Variants in MARCHF1 observed in about 807,000 individuals in gnomAD.
The protein encoded by MARCHF1 is E3 ubiquitin-protein ligase MARCHF1.
Under a neutral mutation model 54.2 loss-of-function variants are expected in MARCHF1, and 40 were observed. The ratio of observed to expected loss-of-function variants is 0.74; its 90% confidence interval spans 0.57 to 0.96. The LOEUF (loss-of-function observed/expected upper bound fraction) is 0.96, where lower values mean the gene tolerates loss of function less well. Among genes scored for constraint, MARCHF1 ranks in the 40% least tolerant of loss-of-function variants. The pLI is 0.00. For synonymous variants in MARCHF1, 236 were observed against 236.3 expected (o/e 1.00, Z 0.01); for missense variants, 586 against 656.5 (o/e 0.89, Z 1.17).
intron 3 of MARCHF1, among the ~76,000 whole-genome samples, chr4:163,868,928 A>G (rs1750111207): frequency 6.6e-6 from 1 of 152,018 alleles, no homozygotes; most frequent in Admixed American, 6.6e-5. Context: ...GCAGGAAGCT[A>G]TAACATGACA....
chr4:163,874,515 A>G (rs1271369429), intron 3 of MARCHF1, among the ~76,000 whole-genome samples: 1 of 152,178 alleles, frequency 6.6e-6, no homozygotes, highest in Non-Finnish European at 1.5e-5. Flanking sequence ...TTTTTTTTAA[A>G]GTCTACTTAG....
intron 5 of MARCHF1, among the ~76,000 whole-genome samples, chr4:163,639,494 A>G (rs1192705890): frequency 1.3e-5 from 2 of 152,194 alleles, no homozygotes; most frequent in East Asian, 3.8e-4. Flanking sequence ...TCTTTATTAT[A>G]TTTTGATGGC....
At chr4:164,048,977 G>A (rs7356256) in intron 2 of MARCHF1, among the ~76,000 whole-genome samples, 36,436 of 152,000 alleles carry the variant, frequency 0.24, 6,134 homozygotes, top group East Asian at 0.48. Context: ...CTGATTATTA[G>A]AGGCCAATTT....
chr4:163,585,018 T>C (rs1225357110), intron 8 of MARCHF1: 3 of 152,214 alleles, frequency 2.0e-5, no homozygotes, highest in African/African-American at 7.2e-5. Flanking sequence ...TCATTGTCCT[T>C]GTTTGTATTG....
chr4:163,609,712 TA>T (rs1456959559), intron 7 of MARCHF1, among the ~76,000 whole-genome samples: 1 of 151,710 alleles, frequency 6.6e-6, no homozygotes, highest in Non-Finnish European at 1.5e-5. Context: ...GAACCTTTTT[TA>T]TTCTTAAAGG....
At chr4:164,378,114 G>T (rs1231280823) in intron 1 of MARCHF1, among the ~76,000 whole-genome samples, 1 of 152,194 alleles carries the variant, frequency 6.6e-6, no homozygotes, top group Non-Finnish European at 1.5e-5. Context: ...GATTACAGAT[G>T]GAAGAAGTAC....
intron 3 of MARCHF1, among the ~76,000 whole-genome samples, chr4:163,926,430 A>G (rs1311287505): frequency 6.6e-6 from 1 of 151,594 alleles, no homozygotes; most frequent in Non-Finnish European, 1.5e-5. Flanking sequence ...AACATGACTA[A>G]TATTGCTGCT....
At chr4:163,861,593 CA>C (rs1483595566) in intron 3 of MARCHF1, among the ~76,000 whole-genome samples, 2 of 152,014 alleles carry the variant, frequency 1.3e-5, no homozygotes, top group Non-Finnish European at 2.9e-5. Flanking sequence ...TAAATAATAG[CA>C]GAGACATTCT....
At chr4:164,236,049 T>A (rs933420958) in intron 1 of MARCHF1, among the ~76,000 whole-genome samples, 1 of 152,228 alleles carries the variant, frequency 6.6e-6, no homozygotes, top group East Asian at 1.9e-4. Context: ...ATACTCTCAA[T>A]AGAATCTTCC....
At position 163,709,830 on chromosome 4, in the gene MARCHF1, G is replaced by C. The variant is rs751518615; in HGVS notation, c.112-8967C>G. Reference sequence around the variant, plus strand: ...TTGCAAAATGCGTATAAAGACCCTTGCATGTTTACCTCATAGAATTTCTGT... The same window carrying C: ...TTGCAAAATGCGTATAAAGACCCTTCCATGTTTACCTCATAGAATTTCTGT... On this transcript the variant is annotated intron_variant, in intron 4 of 9. Coordinates refer to ENST00000514618, the MANE Select transcript of MARCHF1 (RefSeq NM_001394959.1). Among the ~76,000 whole-genome samples the C allele has an allele frequency of 2.6e-5, 4 of 152,220 alleles. No homozygotes were observed. The East Asian group carries it at 7.7e-4, about 29-fold the overall frequency.
At chr4:164,228,870 C>G (rs549489826) in intron 1 of MARCHF1, among the ~76,000 whole-genome samples, 7 of 152,044 alleles carry the variant, frequency 4.6e-5, no homozygotes, top group Non-Finnish European at 7.4e-5. Flanking sequence ...AAGTAATGCC[C>G]AGATAATGAT....
At chr4:163,732,369 G>A (rs952251368) in intron 4 of MARCHF1, among the ~76,000 whole-genome samples, 1 of 151,634 alleles carries the variant, frequency 6.6e-6, no homozygotes, top group Non-Finnish European at 1.5e-5. Flanking sequence ...GAAAAAAGAT[G>A]GAAAAAAGAA....
intron 1 of MARCHF1, among the ~76,000 whole-genome samples, chr4:164,239,918 T>C (rs1307230511): frequency 1.3e-5 from 2 of 152,236 alleles, no homozygotes; most frequent in Non-Finnish European, 2.9e-5. Flanking sequence ...ATAGAAAATA[T>C]GTTCTTCTAT....
intron 2 of MARCHF1, among the ~76,000 whole-genome samples, chr4:164,033,580 A>G (rs971729020): frequency 1.3e-5 from 2 of 152,236 alleles, no homozygotes; most frequent in African/African-American, 4.8e-5. Context: ...AATTTACACA[A>G]AAAAACAAAC....
At chr4:164,285,278 C>T (rs1734114645) in intron 1 of MARCHF1, among the ~76,000 whole-genome samples, 1 of 151,888 alleles carries the variant, frequency 6.6e-6, no homozygotes, top group Non-Finnish European at 1.5e-5. Flanking sequence ...TGTCTGTGGC[C>T]CCACTACTTA....
chr4:164,059,991 CTCTT>C (rs1669616795), intron 2 of MARCHF1, among the ~76,000 whole-genome samples: 1 of 152,012 alleles, frequency 6.6e-6, no homozygotes, highest in Admixed American at 6.5e-5. Context: ...GTTGTTTTTA[CTCTT>C]TGTGTCTCAG....
At chr4:163,628,579 A>G (rs535278639) in intron 5 of MARCHF1, among the ~76,000 whole-genome samples, 1 of 152,332 alleles carries the variant, frequency 6.6e-6, no homozygotes, top group African/African-American at 2.4e-5. Flanking sequence ...AATAAAGGGT[A>G]TTCAAACAGG....
chr4:163,525,536 T>A lies in MARCHF1; in HGVS notation c.*3212A>T, dbSNP rs1034709182. 2 of 152,166 alleles carry A rather than the reference T, an allele frequency of 1.3e-5. No individual in the cohort carries two copies. The highest frequency in any genetic ancestry group is 4.8e-5 in the African/African-American group (2 of 41,444). 9.4% of individuals were successfully genotyped at this position (152,166 alleles called of 1,614,324 possible). A position where few individuals can be genotyped will look rare whatever the true frequency, so the allele number is the denominator to read the frequency against. ...TAATTGCCTTTTGGGCTTTACTTTT[T>A]AAAAAATTGGAATTTCTTTCTTTTA... On this transcript the variant is annotated 3_prime_UTR_variant, in exon 10 of 10. Coordinates refer to ENST00000514618, the MANE Select transcript of MARCHF1 (RefSeq NM_001394959.1).
At position 163,666,233 on chromosome 4, in the gene MARCHF1, G is replaced by A. The variant is rs118096443; in HGVS notation, c.162+34580C>T. On this transcript the variant is annotated intron_variant, in intron 5 of 9. Coordinates refer to ENST00000514618, the MANE Select transcript of MARCHF1 (RefSeq NM_001394959.1). The stretch of plus-strand genomic sequence containing the variant: ...AACGTGTCATTTGATACTATCACGT[G>A]GTTTGATAAAGTTTTGACCTTGATA... Among the ~76,000 whole-genome samples the A allele has an allele frequency of 1.2e-3, 186 of 152,084 alleles. 2 individuals carry two copies. The East Asian group carries it at 0.03, about 25-fold the overall frequency.
Sources: gnomAD v4.1 joint callset for allele counts (sites outside exome capture counted in the v4.1 genomes callset) on GRCh38, gnomAD v4.1.1 for gene constraint, MANE v1.5 for transcripts, NCBI Gene and HGNC (gene_info 2026-07-23, HGNC 2026-07-21) for gene names.